Variants in SSBP3 observed in about 807,000 individuals in gnomAD.
The protein encoded by SSBP3 is single stranded DNA binding protein 3.
In SSBP3, 5 loss-of-function variants were observed where a neutral mutation model predicts 69.6. The observed-to-expected ratio is 0.07, with a 90% CI of 0.04 to 0.15. The LOEUF (loss-of-function observed/expected upper bound fraction) is 0.15. Ranked by LOEUF, SSBP3 falls within the 10% of genes least tolerant of loss-of-function variation. The probability of loss-of-function intolerance (pLI) is 1.00; values close to 1 mark genes in which losing one functional copy is unlikely to be tolerated. For missense variants in SSBP3, 312 were observed against 534.0 expected, an observed-to-expected ratio of 0.58 and a Z score of 4.10; for synonymous variants, 196 against 193.4, an observed-to-expected ratio of 1.01 and a Z score of -0.11.
At position 54,291,185 on chromosome 1, in the gene SSBP3, T is replaced by G. The variant is rs551983658; in HGVS notation, c.277-9658A>C. 1.7e-4 allele frequency among the ~76,000 whole-genome samples: 26 copies of G among 152,172 alleles called. No homozygotes were observed. In the South Asian group the frequency reaches 5.2e-3, roughly 30 times the overall value. On this transcript the variant is annotated intron_variant, in intron 4 of 17. Coordinates refer to ENST00000610401, the Ensembl canonical transcript of SSBP3. ...TTTTTTTTAAGTTTAAAATAAATCA[T>G]TAAAGGCAGGGCCCTCAGAACATCT...
intron 9 of SSBP3, among the ~76,000 whole-genome samples, chr1:54,248,849 A>C (rs1470865577): frequency 2.0e-5 from 3 of 152,194 alleles, no homozygotes; most frequent in Admixed American, 2.0e-4. Context: ...TGGGTGAAGC[A>C]CTTTAGGGTC....
At chr1:54,227,189 G>GGT (rs1553120731) in intron 17 of SSBP3, 29 bp from the exon 18 acceptor site, 6 of 1,178,628 alleles carry the variant, frequency 5.1e-6, no homozygotes, top group South Asian at 1.2e-5. Context: ...GAAGGGGGGG[G>GGT]GGTGAGGATT....
chr1:54,275,160 C>T (rs1645261370), intron 5 of SSBP3, among the ~76,000 whole-genome samples: 1 of 152,186 alleles, frequency 6.6e-6, no homozygotes, highest in Non-Finnish European at 1.5e-5. Context: ...CAGGTCCCTG[C>T]CCTTACACAC....
chr1:54,290,594 A>C (rs1553132551), intron 4 of SSBP3, among the ~76,000 whole-genome samples: 1 of 152,126 alleles, frequency 6.6e-6, no homozygotes, highest in Non-Finnish European at 1.5e-5. Flanking sequence ...CTGCCCATTC[A>C]TCCCAGGAAG....
At chr1:54,405,005 A>G (rs537103000) in intron 1 of SSBP3, 75 bp from the exon 2 acceptor site, 1 of 1,369,752 alleles carries the variant, frequency 7.3e-7, no homozygotes, top group Non-Finnish European at 1.0e-6. Flanking sequence ...GGACCTTGCC[A>G]GCAGGCTTTG....
chr1:54,252,724 G>C (rs1021933675), intron 7 of SSBP3, among the ~76,000 whole-genome samples: 1 of 152,264 alleles, frequency 6.6e-6, no homozygotes, highest in African/African-American at 2.4e-5. Context: ...ACTTGAGACT[G>C]AAGTTATTTC....
intron 4 of SSBP3, among the ~76,000 whole-genome samples, chr1:54,346,851 A>G (rs2100555402): frequency 6.6e-6 from 1 of 152,022 alleles, no homozygotes; most frequent in Middle Eastern, 3.4e-3. Flanking sequence ...ACAGTCTCCT[A>G]TGGCAGCCTT....
At chr1:54,302,318 ATTT>A (rs10686460) in intron 4 of SSBP3, among the ~76,000 whole-genome samples, 1 of 144,710 alleles carries the variant, frequency 6.9e-6, no homozygotes, top group Admixed American at 6.8e-5. Flanking sequence ...TCTGAGCATA[ATTT>A]TTTTTTTTTT....
intron 4 of SSBP3, among the ~76,000 whole-genome samples, chr1:54,284,980 G>A (rs532635267): frequency 3.0e-4 from 45 of 152,270 alleles, no homozygotes; most frequent in African/African-American, 9.4e-4. Context: ...GAAATGTGGG[G>A]TGGAAGATGG....
At position 54,242,206 on chromosome 1, in the gene SSBP3, C is replaced by T. The variant is rs747039598; in HGVS notation, c.723G>A (p.Pro241=). The change falls in exon 11 of 18, where the codon CCG becomes CCA. Residue 241 remains proline, a synonymous_variant. Transcript: ENST00000610401. ...GATTGGGCCAGGGTCTGCCAGCTCC[C>T]GGGCCCCTGAGAGAGGGAGAAAGAG... The T allele has an allele frequency of 2.7e-5, 44 of 1,613,708 alleles. 1 individual carries two copies. The Admixed American group carries it at 4.8e-4, about 18-fold the overall frequency.
intron 14 of SSBP3, chr1:54,237,902 C>G (rs1243788730): frequency 5.7e-6 from 2 of 348,894 alleles, no homozygotes; most frequent in African/African-American, 4.3e-5. Flanking sequence ...GCATCCACGT[C>G]AGGCAACATG....
intron 9 of SSBP3, among the ~76,000 whole-genome samples, chr1:54,251,402 T>C (rs1644825842): frequency 1.3e-5 from 2 of 152,164 alleles, no homozygotes; most frequent in South Asian, 4.2e-4. Flanking sequence ...GTGGGGGCCC[T>C]CAACTCTGCC....
chr1:54,226,914 T>C, exon 18 of SSBP3: 1 of 577,466 alleles, frequency 1.7e-6, no homozygotes, highest in Non-Finnish European at 3.2e-6. Context: ...GAGAGTTTTG[T>C]CCTTCTTGTT....
intron 4 of SSBP3, among the ~76,000 whole-genome samples, chr1:54,333,637 T>C (rs1646459097): frequency 6.6e-6 from 1 of 152,242 alleles, no homozygotes; most frequent in Admixed American, 6.5e-5. Flanking sequence ...CTGCCACGTA[T>C]AAGCTGTATC....
At chr1:54,313,761 G>A (rs910941846) in intron 4 of SSBP3, among the ~76,000 whole-genome samples, 2 of 151,776 alleles carry the variant, frequency 1.3e-5, no homozygotes, top group Admixed American at 6.6e-5. Flanking sequence ...AGGGAGACTA[G>A]GATTTTTACT....
intron 4 of SSBP3, among the ~76,000 whole-genome samples, chr1:54,378,361 GCT>G (rs1647350340): frequency 6.6e-6 from 1 of 152,196 alleles, no homozygotes; most frequent in South Asian, 2.1e-4. Flanking sequence ...TGTGGGTGGG[GCT>G]CTGTTACAGT....
rs754298483 is a variant in SSBP3 at position 54,227,180 on chromosome 1, A to AAG, written c.1138-22_1138-21dup. On this transcript the variant is annotated intron_variant, in intron 17 of 17. Transcript: ENST00000610401. ...AGAATACTGGAAAGGAGAAGCAGAG[A>AAG]AGGGGGGGGGGTGAGGATTGTGGGG... 257 of 354,630 alleles carry AAG rather than the reference A, an allele frequency of 7.2e-4. 2 individuals are homozygous for AAG. The highest frequency in any genetic ancestry group is 9.9e-4 in the Non-Finnish European group (215 of 217,512). 22.0% of individuals were successfully genotyped at this position (354,630 alleles called of 1,614,324 possible).
chr1:54,313,435 C>CTT (rs752753963), intron 4 of SSBP3, among the ~76,000 whole-genome samples: 1,056 of 86,396 alleles, frequency 0.012, 97 homozygotes, highest in African/African-American at 0.035. Context: ...TGTGCCTGTG[C>CTT]TTTTTTTTTT....
Position 54,329,144 on chromosome 1 carries a change from AT to A in SSBP3, c.277-47618del, listed in dbSNP as rs1232507703. On this transcript the variant is annotated intron_variant, in intron 4 of 17. Transcript: ENST00000610401. ...TCTGGAAGGAAGGGGGTTTGAGTCT[AT>A]TCCCCTGCCCCCACCCAAACTCAGC... 2.0e-5 allele frequency among the ~76,000 whole-genome samples: 3 copies of A among 152,302 alleles called. No individual in the cohort carries two copies. The East Asian group carries it at 5.8e-4, about 29-fold the overall frequency.
Sources: gnomAD v4.1 joint callset for allele counts (sites outside exome capture counted in the v4.1 genomes callset) on GRCh38, gnomAD v4.1.1 for gene constraint, MANE v1.5 for transcripts, NCBI Gene and HGNC (gene_info 2026-07-23, HGNC 2026-07-21) for gene names.